Variants in MKRN1 observed in about 807,000 individuals in gnomAD.
The protein encoded by MKRN1 is E3 ubiquitin-protein ligase makorin-1.
MKRN1 carries 9 observed loss-of-function variants against 55.5 expected under a neutral mutation model. That is an observed-to-expected ratio of 0.16 (90% CI 0.10 to 0.28). The LOEUF (loss-of-function observed/expected upper bound fraction) is 0.28, where lower values mean the gene tolerates loss of function less well. Ranked by LOEUF, MKRN1 falls within the 10% of genes least tolerant of loss-of-function variation. The probability of loss-of-function intolerance (pLI) is 1.00; values close to 1 mark genes in which losing one functional copy is unlikely to be tolerated. For missense variants in MKRN1, 488 were observed against 626.7 expected, an observed-to-expected ratio of 0.78 and a Z score of 2.36; for synonymous variants, 253 against 235.9, an observed-to-expected ratio of 1.07 and a Z score of -0.66.
In MKRN1 at chr7:140,455,806, A is replaced by G; in HGVS notation, c.1081T>C (p.Tyr361His). 6.2e-7 allele frequency: 1 copy of G among 1,613,026 alleles called. No individual in the cohort carries two copies. Among genetic ancestry groups the G allele is most frequent in the Non-Finnish European group, 8.5e-7 (1 of 1,179,246 alleles). Residue 361 changes from tyrosine (Y) to histidine (H), a missense_variant, in exon 6 of 8, where the codon TAC becomes CAC. Tyr to His is a moderately conservative substitution (Grantham distance 83). Coordinates refer to ENST00000255977, the MANE Select transcript of MKRN1 (RefSeq NM_013446.4). ...TGCTCATACCTCATTGCCTCCTTGT[A>G]TTTCAGAATGAGTTTCTGCTTCTCT... ...KEEKQKLILKYKEAMSNKACR... is the reference protein window; with the variant it reads ...KEEKQKLILKHKEAMSNKACR...
intron 4 of MKRN1, 76 bp from the exon 5 acceptor site, chr7:140,456,942 ACAGT>A (rs1288107722): frequency 2.9e-6 from 4 of 1,374,812 alleles, no homozygotes; most frequent in East Asian, 2.4e-5. Flanking sequence ...TTAATGATTC[ACAGT>A]CAAAGAATCA....
At chr7:140,456,576 G>C in intron 5 of MKRN1, 76 bp downstream of exon 5, 1 of 1,566,718 alleles carries the variant, frequency 6.4e-7, no homozygotes, top group Admixed American at 1.8e-5. Flanking sequence ...CGGTCCATCT[G>C]GTTGAAAGTT....
chr7:140,468,846 G>A lies in MKRN1; in HGVS notation c.314+3037C>T, dbSNP rs182523545. 2.6e-5 allele frequency among the ~76,000 whole-genome samples: 4 copies of A among 151,766 alleles called. No individual in the cohort carries two copies. The East Asian group carries it at 7.7e-4, about 29-fold the overall frequency. Reference sequence around the variant, plus strand: ...AGTAGCAACTAAACAAAGTTTCTATGAGATCAACTTCTGAACTTCTACACA... The same window carrying A: ...AGTAGCAACTAAACAAAGTTTCTATAAGATCAACTTCTGAACTTCTACACA... On this transcript the variant is annotated intron_variant, in intron 2 of 7. Transcript: ENST00000255977.
At chr7:140,456,196 G>A (rs571154767) in intron 5 of MKRN1, 56 of 1,161,676 alleles carry the variant, frequency 4.8e-5, no homozygotes, top group Middle Eastern at 3.7e-4. Context: ...TTTTTCTTTC[G>A]TTTAAATAAA....
intron 3 of MKRN1, 93 bp from the exon 4 acceptor site, chr7:140,459,326 A>G: frequency 7.8e-7 from 1 of 1,276,648 alleles, no homozygotes; most frequent in Non-Finnish European, 1.1e-6. Context: ...TGAAAATAAA[A>G]CTGCAATGAA....
chr7:140,456,113 C>CTTTTT, intron 5 of MKRN1: 1 of 845,226 alleles, frequency 1.2e-6, no homozygotes, highest in Non-Finnish European at 1.5e-6. Flanking sequence ...CTAGCCAGTT[C>CTTTTT]TTTTTTTTTT....
Position 140,453,733 on chromosome 7 carries a change from GT to G in MKRN1, c.*783del, listed in dbSNP as rs1194916544. ...CACAAGGCTTAAACCACTAAACCAG[GT>G]TTTTCTACTAAGGCTAAGAATACTG... On this transcript the variant is annotated 3_prime_UTR_variant, in exon 8 of 8. Transcript: ENST00000255977. The G allele has an allele frequency of 2.0e-5, 3 of 152,516 alleles. No homozygotes were observed. The highest frequency in any genetic ancestry group is 4.4e-5 in the Non-Finnish European group (3 of 68,184). The allele number at this position is 152,516 out of a possible 1,614,324, so 9.4% of individuals were successfully genotyped here. A position where few individuals can be genotyped will look rare whatever the true frequency, so the allele number is the denominator to read the frequency against.
rs747923133 is a variant in MKRN1, at chr7:140,456,728, T to C, written c.910A>G (p.Asn304Asp). The C allele has an allele frequency of 1.9e-6, 3 of 1,614,134 alleles. No homozygotes were observed. In the South Asian group the frequency reaches 3.3e-5, roughly 18 times the overall value. Residue 304 changes from asparagine (N) to aspartate (D), a missense_variant, in exon 5 of 8, where the codon AAC becomes GAC. This residue lies in a region of MKRN1 where 278 missense variants were observed against 406.7 expected (regional missense o/e 0.68). Coordinates refer to ENST00000255977, the MANE Select transcript of MKRN1 (RefSeq NM_013446.4). ...TTGAGACAGTAGGTGTGGTTGCAGT[T>C]GGAGAGGATCCCGAAGCGGCGCTCA... ...PSERRFGILS[N>D]CNHTYCLKCI...
chr7:140,458,376 A>G (rs991987035), intron 4 of MKRN1, among the ~76,000 whole-genome samples: 5 of 152,220 alleles, frequency 3.3e-5, no homozygotes, highest in African/African-American at 1.2e-4. Flanking sequence ...TGAAAACACT[A>G]TGTTAAGTGA....
In MKRN1 at chr7:140,453,210, G is replaced by A. The variant is rs1167647470; in HGVS notation, c.*1307C>T. On this transcript the variant is annotated 3_prime_UTR_variant, in exon 8 of 8. Transcript: ENST00000255977. ...AGATGGACAAACCAGGAGCATCCCC[G>A]AGTTATTTTCAGGAAACAGAGCAAC... The A allele has an allele frequency of 5.2e-5, 8 of 152,534 alleles. No homozygotes were observed. Among genetic ancestry groups the A allele is most frequent in the Admixed American group, 4.6e-4 (7 of 15,258 alleles). 9.4% of individuals were successfully genotyped at this position (152,534 alleles called of 1,614,324 possible).
intron 2 of MKRN1, among the ~76,000 whole-genome samples, chr7:140,469,573 G>A (rs1414699652): frequency 1.3e-5 from 2 of 152,030 alleles, no homozygotes; most frequent in African/African-American, 2.4e-5. Flanking sequence ...TTGCTCTGGG[G>A]AAAGCTAGCT....
chr7:140,453,933 G>T lies in MKRN1; in HGVS notation c.*584C>A. 6.3e-6 allele frequency: 1 copy of T among 157,608 alleles called. No individual in the cohort carries two copies. Among genetic ancestry groups the T allele is most frequent in the South Asian group, 1.9e-4 (1 of 5,402 alleles). The allele number at this position is 157,608 out of a possible 1,614,324, so 9.8% of individuals were successfully genotyped here. A position where few individuals can be genotyped will look rare whatever the true frequency, so the allele number is the denominator to read the frequency against. ...AAAAAATCTCAACACATTCACACCT[G>T]ATTCTGGTTACCCAGTAGTATTACT... On this transcript the variant is annotated 3_prime_UTR_variant, in exon 8 of 8. Transcript: ENST00000255977.
intron 5 of MKRN1, 170 bp downstream of exon 5, chr7:140,456,482 C>T: frequency 1.4e-6 from 2 of 1,434,200 alleles, no homozygotes; most frequent in Non-Finnish European, 1.8e-6. Context: ...GATAGACCAA[C>T]TAACCTAGAA....
chr7:140,475,909 T>C (rs1795103538), intron 1 of MKRN1, among the ~76,000 whole-genome samples: 1 of 152,092 alleles, frequency 6.6e-6, no homozygotes, highest in Non-Finnish European at 1.5e-5. Context: ...TTTCTTAGTA[T>C]TGCTCTAATA....
intron 4 of MKRN1, among the ~76,000 whole-genome samples, chr7:140,457,555 C>T (rs1038484699): frequency 3.9e-5 from 6 of 152,078 alleles, no homozygotes; most frequent in African/African-American, 1.4e-4. Context: ...CATGGCGAAA[C>T]CCCATCTCTA....
chr7:140,454,362 G>A lies in MKRN1; in HGVS notation c.*155C>T. 3.0e-6 allele frequency: 2 copies of A among 660,668 alleles called. No individual in the cohort carries two copies. The allele number at this position is 660,668 out of a possible 1,614,324, so 40.9% of individuals were successfully genotyped here. On this transcript the variant is annotated 3_prime_UTR_variant, in exon 8 of 8. Coordinates refer to ENST00000255977, the MANE Select transcript of MKRN1 (RefSeq NM_013446.4). ...AACAACACACTCCTCAGGGAAAGGTGAGGGGTTGAGAAGACAGGCCCTGGG... is the reference window on the plus strand; with the variant it reads ...AACAACACACTCCTCAGGGAAAGGTAAGGGGTTGAGAAGACAGGCCCTGGG...
chr7:140,473,761 G>C (rs1795004734), intron 1 of MKRN1: 1 of 152,270 alleles, frequency 6.6e-6, no homozygotes, highest in Non-Finnish European at 1.5e-5. Flanking sequence ...GGGAGGCCAA[G>C]GCGGGTGGAT....
chr7:140,453,563 G>C lies in MKRN1; in HGVS notation c.*954C>G, dbSNP rs1413797768. 6.6e-6 allele frequency: 1 copy of C among 152,588 alleles called. No homozygotes were observed. The highest frequency in any genetic ancestry group is 1.5e-5 in the Non-Finnish European group (1 of 68,048). 9.5% of individuals were successfully genotyped at this position (152,588 alleles called of 1,614,324 possible). ...ACATTAAATACAACTGTGTATCCAA[G>C]ACCCAGTTTGTGTTATTATATGGGA... On this transcript the variant is annotated 3_prime_UTR_variant, in exon 8 of 8. Transcript: ENST00000255977.
chr7:140,453,335 T>A lies in MKRN1; in HGVS notation c.*1182A>T, dbSNP rs1794381101. Reference sequence around the variant, plus strand: ...AGCCCTCCCTTTCGGTGGAAAAGTATGACTTATCACTGCAAACCCATTACT... The same window carrying A: ...AGCCCTCCCTTTCGGTGGAAAAGTAAGACTTATCACTGCAAACCCATTACT... On this transcript the variant is annotated 3_prime_UTR_variant, in exon 8 of 8. Transcript: ENST00000255977. 1 of 152,580 alleles carries A rather than the reference T, an allele frequency of 6.6e-6. No individual in the cohort carries two copies. Among genetic ancestry groups the A allele is most frequent in the African/African-American group, 2.4e-5 (1 of 41,430 alleles). 9.5% of individuals were successfully genotyped at this position (152,580 alleles called of 1,614,324 possible).
Sources: allele counts gnomAD v4.1 joint callset (sites outside exome capture counted in the v4.1 genomes callset), GRCh38; gene constraint gnomAD v4.1.1; regional missense constraint gnomAD v4.1.1; transcripts MANE v1.5; gene names NCBI Gene and HGNC (gene_info 2026-07-23, HGNC 2026-07-21).